The following LRP6 variants were observed in gnomAD, a reference collection of about 807,000 sequenced individuals.
LRP6 encodes the protein LDL receptor related protein 6, also known as low-density lipoprotein receptor-related protein 6.
Under a neutral mutation model 184.1 loss-of-function variants are expected in LRP6, and 43 were observed. The ratio of observed to expected loss-of-function variants is 0.23; its 90% CI spans 0.18 to 0.30. LRP6 has a LOEUF of 0.30. LRP6 is among the 10% of genes least tolerant of loss of function. The pLI, the probability that LRP6 is intolerant of heterozygous loss-of-function variation, is 1.00. For synonymous variants in LRP6, 719 were observed against 684.9 expected (o/e 1.05, Z -0.78); for missense variants, 1,571 against 2,005.3 (o/e 0.78, Z 4.14).
At chr12:12,153,433 C>T (rs1365551935) in intron 12 of LRP6, among the ~76,000 whole-genome samples, 1 of 152,154 alleles carries the variant, frequency 6.6e-6, no homozygotes, top group Non-Finnish European at 1.5e-5. Flanking sequence ...GCTGGGTACT[C>T]TCTTTTCCAA....
intron 15 of LRP6, chr12:12,138,847 A>T (rs193105047): frequency 7.2e-7 from 1 of 1,384,196 alleles, no homozygotes; most frequent in East Asian, 4.3e-5. Context: ...TAAAAATGGC[A>T]CTTCTCTGGA....
chr12:12,121,867 C>T (rs1949611476), intron 22 of LRP6, among the ~76,000 whole-genome samples: 2 of 152,174 alleles, frequency 1.3e-5, no homozygotes, highest in African/African-American at 2.4e-5. Flanking sequence ...AATTTAATGA[C>T]ATCTGAAGTC....
At chr12:12,222,426 G>T (rs1864513953) in intron 2 of LRP6, among the ~76,000 whole-genome samples, 2 of 151,876 alleles carry the variant, frequency 1.3e-5, no homozygotes, top group Non-Finnish European at 2.9e-5. Context: ...AAATTAGCCG[G>T]TCGTCGTGGT....
chr12:12,266,529 G>C, intron 1 of LRP6, 152 bp downstream of exon 1: 2 of 736,254 alleles, frequency 2.7e-6, no homozygotes, highest in South Asian at 1.7e-5. Flanking sequence ...CCCTGCTCCC[G>C]GGCCCCTTTC....
intron 16 of LRP6, among the ~76,000 whole-genome samples, chr12:12,137,409 A>G (rs1949857255): frequency 6.6e-6 from 1 of 152,226 alleles, no homozygotes; most frequent in Non-Finnish European, 1.5e-5. Context: ...TCAAAAAAAA[A>G]TAAGAAAATA....
rs1865141082 is a variant in LRP6 at position 12,244,653 on chromosome 12, C to T, written c.58G>A (p.Ala20Thr). The T allele has an allele frequency of 2.5e-6, 4 of 1,613,236 alleles. No individual in the cohort carries two copies. Among genetic ancestry groups the T allele is most frequent in the Middle Eastern group, 3.3e-4 (2 of 6,060 alleles). Residue 20 changes from alanine (A) to threonine (T), a missense_variant and splice_region_variant, in exon 2 of 23, where the codon GCC becomes ACC. Physicochemically the swap from Ala to Thr is moderately conservative, Grantham distance 58. Around this residue, in one of 4 missense-constraint regions of LRP6, gnomAD observed 640 missense variants for 851.9 expected, o/e 0.75. Transcript: ENST00000261349. ...CTGTTTGCATAAAGCAACAAAGGGG[C>T]CGCTAGAACAAAAAAAGAAAAATAT... The part of the protein sequence containing the change: ...ACSFCVLLRA[A>T]PLLLYANRRD...
intron 1 of LRP6, among the ~76,000 whole-genome samples, chr12:12,248,688 G>T (rs1215549987): frequency 6.6e-6 from 1 of 151,790 alleles, no homozygotes; most frequent in Non-Finnish European, 1.5e-5. Context: ...CACCGTGTTA[G>T]CCAGGATGGT....
intron 2 of LRP6, among the ~76,000 whole-genome samples, chr12:12,209,005 G>A (rs1294095827): frequency 6.6e-6 from 1 of 152,140 alleles, no homozygotes; most frequent in Non-Finnish European, 1.5e-5. Flanking sequence ...AAAACTACCA[G>A]TATCTTTAAA....
intron 2 of LRP6, among the ~76,000 whole-genome samples, chr12:12,233,339 G>T (rs1565688093): frequency 6.6e-6 from 1 of 152,192 alleles, no homozygotes; most frequent in African/African-American, 2.4e-5. Flanking sequence ...ATGGTGGTGG[G>T]TGCTTATAGT....
intron 2 of LRP6, chr12:12,211,103 T>C (rs1326621828): frequency 6.6e-6 from 1 of 152,218 alleles, no homozygotes; most frequent in Non-Finnish European, 1.5e-5. Flanking sequence ...AGCAGGTTGG[T>C]TTCTGTGGTT....
intron 2 of LRP6, among the ~76,000 whole-genome samples, chr12:12,236,227 AAAAT>A (rs145272684): frequency 7.2e-5 from 11 of 152,080 alleles, no homozygotes; most frequent in East Asian, 3.9e-4. Context: ...ACTCCGTCTC[AAAAT>A]AAATAAATAA....
Position 12,244,736 on chromosome 12 carries a change from A to T in LRP6, c.56-81T>A, listed in dbSNP as rs10219748. On this transcript the variant is annotated intron_variant, in intron 1 of 22. Coordinates refer to ENST00000261349, the MANE Select transcript of LRP6 (RefSeq NM_002336.3). ...TATAAACTGCGTTTCAAATCGGTTT[A>T]AGTGAGCAAAGACTGTCGAAAATAA... 0.82 allele frequency: 1,124,788 copies of T among 1,370,052 alleles called. 461,938 individuals are homozygous for T. Among genetic ancestry groups the T allele is most frequent in the East Asian group, 0.86 (35,239 of 41,082 alleles). 84.9% of individuals were successfully genotyped at this position (1,370,052 alleles called of 1,614,324 possible).
chr12:12,126,265 T>A (rs1401119685), intron 20 of LRP6, among the ~76,000 whole-genome samples: 2 of 152,224 alleles, frequency 1.3e-5, no homozygotes, highest in Non-Finnish European at 2.9e-5. Flanking sequence ...CCTTCTATCA[T>A]CCAGCTATTT....
chr12:12,198,530 C>CTTT (rs56150307), intron 3 of LRP6, among the ~76,000 whole-genome samples: 101 of 76,982 alleles, frequency 1.3e-3, no homozygotes, highest in African/African-American at 3.9e-3. Flanking sequence ...GAATTTTTCT[C>CTTT]TTTTTTTTTT....
At chr12:12,128,496 T>A (rs897668283) in intron 19 of LRP6, among the ~76,000 whole-genome samples, 5 of 152,208 alleles carry the variant, frequency 3.3e-5, no homozygotes, top group Non-Finnish European at 7.3e-5. Context: ...CAGTTCCTTA[T>A]AATCAACTTC....
intron 2 of LRP6, among the ~76,000 whole-genome samples, chr12:12,213,320 A>G (rs1344957904): frequency 2.0e-5 from 3 of 151,954 alleles, no homozygotes; most frequent in African/African-American, 4.8e-5. Flanking sequence ...TCACTTTTTT[A>G]TATCTTCCTA....
rs181894129 is a variant in LRP6, at chr12:12,131,176, T to C, written c.3971-283A>G. 3.2e-3 allele frequency among the ~76,000 whole-genome samples: 476 copies of C among 147,622 alleles called. 2 individuals are homozygous for C. The highest frequency in any genetic ancestry group is 3.7e-3 in the Middle Eastern group (1 of 270). ...AGGCTGGAGTGCAGTGGCGCGATAT[T>C]GGCTCACTGCAAGCTCTGCTTCCCA... On this transcript the variant is annotated intron_variant, in intron 18 of 22. Coordinates refer to ENST00000261349, the MANE Select transcript of LRP6 (RefSeq NM_002336.3).
At chr12:12,189,856 G>A (rs576994244) in intron 3 of LRP6, among the ~76,000 whole-genome samples, 120 of 151,706 alleles carry the variant, frequency 7.9e-4, no homozygotes, top group Non-Finnish European at 1.2e-3. Flanking sequence ...ATTTCCTCCC[G>A]CCACAAGCCA....
Position 12,259,225 on chromosome 12 carries a change from G to A in LRP6, c.55+7456C>T, listed in dbSNP as rs180931494. Among the ~76,000 whole-genome samples the A allele has an allele frequency of 2.9e-3, 428 of 149,454 alleles. 3 individuals are homozygous for A. Among genetic ancestry groups the A allele is most frequent in the African/African-American group, 9.9e-3 (401 of 40,506 alleles). ...TCACAGTGAGCCAAGATCATGGCACGGCACTCCAGCCTGGGTGACAGAGCG... is the reference window on the plus strand; with the variant it reads ...TCACAGTGAGCCAAGATCATGGCACAGCACTCCAGCCTGGGTGACAGAGCG... On this transcript the variant is annotated intron_variant, in intron 1 of 22. Transcript: ENST00000261349.
Sources: allele counts gnomAD v4.1 joint callset (sites outside exome capture counted in the v4.1 genomes callset), GRCh38; gene constraint gnomAD v4.1.1; regional missense constraint gnomAD v4.1.1; transcripts MANE v1.5; gene names NCBI Gene and HGNC (gene_info 2026-07-23, HGNC 2026-07-21).